The following CEP112 variants were observed in gnomAD, a reference collection of about 807,000 sequenced individuals.
CEP112 encodes the protein centrosomal protein 112.
Under a neutral mutation model 153.0 loss-of-function variants are expected in CEP112, and 127 were observed. That is an observed-to-expected ratio of 0.83 (90% confidence interval 0.72 to 0.96). The LOEUF is 0.96. Among genes scored for constraint, CEP112 ranks in the 40% least tolerant of loss-of-function variants. The pLI is 0.00. For missense variants in CEP112, 1,089 were observed against 1,101.2 expected (o/e 0.99, Z 0.16); for synonymous variants, 358 against 374.4 (o/e 0.96, Z 0.51).
rs992375392 is a variant in CEP112, at chr17:65,750,561, T to G, written c.2457+101A>C. The G allele has an allele frequency of 3.2e-5, 29 of 912,676 alleles. No individual in the cohort carries two copies. The South Asian group carries it at 3.8e-4, about 12-fold the overall frequency. The allele number at this position is 912,676 out of a possible 1,614,324, so 56.5% of individuals were successfully genotyped here. On this transcript the variant is annotated intron_variant, in intron 22 of 26. Coordinates refer to ENST00000535342, the MANE Select transcript of CEP112 (RefSeq NM_001199165.4). ...ATGATACCATTCCACAAAAAAAAAC[T>G]GAAAAGAATGAAGTTTAACTTGAAA...
chr17:65,817,928 C>T (rs1365944093), intron 21 of CEP112, among the ~76,000 whole-genome samples: 1 of 151,828 alleles, frequency 6.6e-6, no homozygotes, highest in African/African-American at 2.4e-5. Flanking sequence ...TTATTCTTAG[C>T]TATATTTTAT....
intron 21 of CEP112, among the ~76,000 whole-genome samples, chr17:65,759,239 A>AAAAGTGGGC (rs1310416093): frequency 1.3e-5 from 2 of 152,194 alleles, no homozygotes; most frequent in African/African-American, 2.4e-5. Context: ...AAATAACCAT[A>AAAAGTGGGC]AAAGTGGGCA....
rs1452187061 is a variant in CEP112 at position 65,648,808 on chromosome 17, T to C, written c.2698-7743A>G. 1.3e-5 allele frequency among the ~76,000 whole-genome samples: 2 copies of C among 152,264 alleles called. 1 individual carries two copies. On this transcript the variant is annotated intron_variant, in intron 24 of 26. Transcript: ENST00000535342. The stretch of plus-strand genomic sequence containing the variant: ...GCTCATGCCTGTAATCCCAGCACTC[T>C]GGGAGGCCGAGGTGGGTGGATCACC...
chr17:66,096,514 T>C (rs960552766), intron 7 of CEP112, 71 bp downstream of exon 7: 2 of 1,193,804 alleles, frequency 1.7e-6, no homozygotes, highest in African/African-American at 3.1e-5. Flanking sequence ...TTATTTTCTA[T>C]AAATAACTTA....
intron 6 of CEP112, among the ~76,000 whole-genome samples, chr17:66,102,339 CATAA>C (rs1311856297): frequency 6.6e-6 from 1 of 152,006 alleles, no homozygotes; most frequent in African/African-American, 2.4e-5. Flanking sequence ...TAAATGGTTG[CATAA>C]ATAGATAAGG....
At chr17:66,076,259 G>A (rs2067491718) in intron 8 of CEP112, among the ~76,000 whole-genome samples, 1 of 145,858 alleles carries the variant, frequency 6.9e-6, no homozygotes, top group Non-Finnish European at 1.5e-5. Context: ...AGGCGGCGGG[G>A]TAAGAACCAA....
At chr17:66,143,394 G>A (rs1044083906) in intron 4 of CEP112, among the ~76,000 whole-genome samples, 15 of 152,146 alleles carry the variant, frequency 9.9e-5, no homozygotes, top group Non-Finnish European at 1.8e-4. Flanking sequence ...TAAGACCTCA[G>A]AAAGATTTGG....
At chr17:65,681,817 G>A in intron 24 of CEP112, among the ~76,000 whole-genome samples, 1 of 151,052 alleles carries the variant, frequency 6.6e-6, no homozygotes, top group Admixed American at 6.6e-5. Flanking sequence ...AGGACTACAG[G>A]TGCACATCAC....
intron 23 of CEP112, among the ~76,000 whole-genome samples, chr17:65,733,460 G>T (rs1052374928): frequency 1.3e-5 from 2 of 152,150 alleles, no homozygotes; most frequent in African/African-American, 4.8e-5. Flanking sequence ...ACACAGAGTT[G>T]CCACAAACCT....
At chr17:65,925,955 G>A (rs2060906374) in intron 19 of CEP112, among the ~76,000 whole-genome samples, 2 of 152,168 alleles carry the variant, frequency 1.3e-5, no homozygotes, top group African/African-American at 4.8e-5. Flanking sequence ...TTAGGATCAT[G>A]TTTACCAAAG....
At chr17:65,716,101 C>T (rs1187957766) in intron 23 of CEP112, among the ~76,000 whole-genome samples, 2 of 151,956 alleles carry the variant, frequency 1.3e-5, no homozygotes, top group South Asian at 4.2e-4. Flanking sequence ...GAATAAGAAA[C>T]GAACGCATGG....
chr17:65,679,506 T>A (rs1480180796), intron 24 of CEP112, among the ~76,000 whole-genome samples: 3 of 152,228 alleles, frequency 2.0e-5, no homozygotes, highest in Non-Finnish European at 4.4e-5. Flanking sequence ...TAAATAGACT[T>A]CACTGCAGAT....
intron 17 of CEP112, among the ~76,000 whole-genome samples, chr17:65,965,966 AG>A (rs1204706187): frequency 6.6e-6 from 1 of 152,206 alleles, no homozygotes; most frequent in East Asian, 1.9e-4. Flanking sequence ...CTCCTAGCAC[AG>A]GAACAGCGCT....
At chr17:66,158,422 C>T (rs1598461562) in intron 4 of CEP112, among the ~76,000 whole-genome samples, 1 of 152,068 alleles carries the variant, frequency 6.6e-6, no homozygotes. Context: ...ATCATCCTGG[C>T]TAACACAGTG....
intron 18 of CEP112, among the ~76,000 whole-genome samples, chr17:65,954,668 C>A (rs1304508591): frequency 6.6e-6 from 1 of 151,468 alleles, no homozygotes; most frequent in East Asian, 1.9e-4. Flanking sequence ...ATATAAAAAA[C>A]AATCATAATG....
At chr17:66,044,463 A>G (rs2066116138) in intron 12 of CEP112, among the ~76,000 whole-genome samples, 1 of 152,204 alleles carries the variant, frequency 6.6e-6, no homozygotes, top group Non-Finnish European at 1.5e-5. Flanking sequence ...AGGCAGAAGC[A>G]ACTCAACTGT....
At chr17:65,643,225 A>G (rs1464293161) in intron 24 of CEP112, among the ~76,000 whole-genome samples, 1 of 152,210 alleles carries the variant, frequency 6.6e-6, no homozygotes, top group Non-Finnish European at 1.5e-5. Flanking sequence ...GTGGAGGCAG[A>G]TTCTTCCTGA....
chr17:66,036,373 C>G (rs1200326672), intron 12 of CEP112, among the ~76,000 whole-genome samples: 2 of 106,662 alleles, frequency 1.9e-5, no homozygotes, highest in Admixed American at 1.6e-4. Flanking sequence ...GTGTTTTTAC[C>G]ACAATAAAAA....
intron 21 of CEP112, among the ~76,000 whole-genome samples, chr17:65,844,284 G>A (rs1353237469): frequency 6.6e-6 from 1 of 152,178 alleles, no homozygotes; most frequent in African/African-American, 2.4e-5. Context: ...AATGCAATTT[G>A]ACCTGTTAAT....
Sources: gnomAD v4.1 joint callset for allele counts (sites outside exome capture counted in the v4.1 genomes callset) on GRCh38, gnomAD v4.1.1 for gene constraint, MANE v1.5 for transcripts, NCBI Gene and HGNC (gene_info 2026-07-23, HGNC 2026-07-21) for gene names.